PSD3: variants seen among roughly 807,000 people sequenced by gnomAD.
PSD3 encodes the protein PH and SEC7 domain-containing protein 3.
Under a neutral mutation model 105.5 loss-of-function variants are expected in PSD3, and 49 were observed. The observed-to-expected ratio is 0.46, with a 90% CI of 0.37 to 0.59. The LOEUF (loss-of-function observed/expected upper bound fraction) is 0.59, where lower values mean the gene tolerates loss of function less well. Ranked by LOEUF, PSD3 falls within the 20% of genes least tolerant of loss-of-function variation. PSD3 has a pLI of 0.00. For missense variants in PSD3, 1,561 were observed against 1,263.8 expected (o/e 1.24, Z -3.57); for synonymous variants, 557 against 457.8 (o/e 1.22, Z -2.77).
chr8:19,070,801 C>T (rs569005598), intron 1 of PSD3, among the ~76,000 whole-genome samples: 1 of 152,326 alleles, frequency 6.6e-6, no homozygotes, highest in Non-Finnish European at 1.5e-5. Context: ...TTCTTTAAAT[C>T]ACTGGAACTC....
chr8:18,591,800 A>G (rs1232969700), intron 12 of PSD3, among the ~76,000 whole-genome samples: 1 of 152,156 alleles, frequency 6.6e-6, no homozygotes, highest in Non-Finnish European at 1.5e-5. Context: ...TGCTTAGAAC[A>G]GGGGACAGCT....
intron 2 of PSD3, among the ~76,000 whole-genome samples, chr8:18,930,731 A>G (rs1444276224): frequency 6.6e-6 from 1 of 151,752 alleles, no homozygotes; most frequent in Non-Finnish European, 1.5e-5. Flanking sequence ...AACCACACCT[A>G]GCTATTTTTT....
intron 9 of PSD3, among the ~76,000 whole-genome samples, 160 bp downstream of exon 9, chr8:18,765,289 C>A (rs1806881830): frequency 6.6e-6 from 1 of 152,092 alleles, no homozygotes; most frequent in Admixed American, 6.5e-5. Flanking sequence ...AGGTACTTTG[C>A]AGCACGAAAA....
chr8:18,926,174 A>G (rs145300609), intron 2 of PSD3, among the ~76,000 whole-genome samples: 1 of 151,930 alleles, frequency 6.6e-6, no homozygotes, highest in Non-Finnish European at 1.5e-5. Context: ...ATCGCTTCTT[A>G]GAAGAATATA....
chr8:18,551,674 G>A (rs746332487), intron 15 of PSD3, among the ~76,000 whole-genome samples: 2 of 152,172 alleles, frequency 1.3e-5, no homozygotes, highest in African/African-American at 2.4e-5. Flanking sequence ...CAATTCAGGA[G>A]TGGGTATTCA....
At chr8:18,988,440 T>C (rs1825620517) in intron 1 of PSD3, among the ~76,000 whole-genome samples, 1 of 152,202 alleles carries the variant, frequency 6.6e-6, no homozygotes, top group South Asian at 2.1e-4. Flanking sequence ...GTGGAAAACC[T>C]GCTTTTCATC....
At chr8:18,630,343 A>G (rs1806805423) in intron 11 of PSD3, among the ~76,000 whole-genome samples, 1 of 151,924 alleles carries the variant, frequency 6.6e-6, no homozygotes, top group African/African-American at 2.4e-5. Context: ...AGCAATCCTC[A>G]GGTTCTGTAT....
chr8:19,005,297 A>G (rs1826620591), intron 1 of PSD3, among the ~76,000 whole-genome samples: 1 of 152,156 alleles, frequency 6.6e-6, no homozygotes, highest in South Asian at 2.1e-4. Context: ...ATGCTACTTC[A>G]TGGATGAGCA....
chr8:19,042,941 G>C (rs1828176005), intron 1 of PSD3, among the ~76,000 whole-genome samples: 1 of 152,168 alleles, frequency 6.6e-6, no homozygotes, highest in Non-Finnish European at 1.5e-5. Context: ...TTGTACCAGT[G>C]AGCTGGCCAA....
intron 1 of PSD3, among the ~76,000 whole-genome samples, chr8:18,949,839 G>A (rs1343002127): frequency 6.6e-6 from 1 of 151,540 alleles, no homozygotes; most frequent in African/African-American, 2.4e-5. Flanking sequence ...GTTCTCAGAC[G>A]AATAACACTA....
intron 14 of PSD3, among the ~76,000 whole-genome samples, chr8:18,568,948 T>C (rs1462087668): frequency 2.0e-5 from 3 of 148,494 alleles, no homozygotes; most frequent in Non-Finnish European, 4.5e-5. Context: ...TGAGTGAGAA[T>C]ATGTGGTGTT....
intron 9 of PSD3, among the ~76,000 whole-genome samples, chr8:18,677,977 T>A (rs1432841279): frequency 6.9e-6 from 1 of 144,162 alleles, no homozygotes; most frequent in Non-Finnish European, 1.5e-5. Flanking sequence ...GCCACTGCAC[T>A]CCAGCCTGGG....
intron 1 of PSD3, among the ~76,000 whole-genome samples, chr8:18,957,381 A>G (rs1486103065): frequency 6.6e-6 from 1 of 152,026 alleles, no homozygotes; most frequent in Non-Finnish European, 1.5e-5. Context: ...AAAAAAAAAA[A>G]AAAGAATAAA....
At chr8:18,725,969 T>C (rs973728848) in intron 9 of PSD3, among the ~76,000 whole-genome samples, 6 of 152,106 alleles carry the variant, frequency 3.9e-5, no homozygotes, top group South Asian at 2.1e-4. Context: ...CCACTGAGAG[T>C]GCTGTTCTTG....
At chr8:18,542,419 G>A (rs866561054) in intron 15 of PSD3, among the ~76,000 whole-genome samples, 7 of 152,096 alleles carry the variant, frequency 4.6e-5, no homozygotes, top group African/African-American at 9.7e-5. Flanking sequence ...TCATCAACAT[G>A]AATTCAGGAC....
chr8:18,696,319 A>C (rs1801258945), intron 9 of PSD3, among the ~76,000 whole-genome samples: 1 of 152,204 alleles, frequency 6.6e-6, no homozygotes, highest in African/African-American at 2.4e-5. Context: ...ATCTCATTTA[A>C]TACGTATGAC....
At chr8:18,691,911 G>T (rs1652794835) in intron 9 of PSD3, among the ~76,000 whole-genome samples, 1 of 152,196 alleles carries the variant, frequency 6.6e-6, no homozygotes, top group African/African-American at 2.4e-5. Flanking sequence ...TTTGAACAGA[G>T]ACAGAGAGGG....
At chr8:18,736,316 T>C (rs764704284) in intron 9 of PSD3, among the ~76,000 whole-genome samples, 1 of 152,122 alleles carries the variant, frequency 6.6e-6, no homozygotes, top group Non-Finnish European at 1.5e-5. Flanking sequence ...AAAAGTAAAA[T>C]AATGGTACCT....
intron 4 of PSD3, among the ~76,000 whole-genome samples, chr8:18,837,088 G>T (rs1444599850): frequency 2.0e-5 from 3 of 152,162 alleles, no homozygotes; most frequent in African/African-American, 7.2e-5. Flanking sequence ...CAAGGTAGGA[G>T]TGAGGAGCTA....
Sources: allele counts gnomAD v4.1 joint callset (sites outside exome capture counted in the v4.1 genomes callset), GRCh38; gene constraint gnomAD v4.1.1; transcripts MANE v1.5; gene names NCBI Gene and HGNC (gene_info 2026-07-23, HGNC 2026-07-21).